XKR6: variants seen among roughly 807,000 people sequenced by gnomAD.
XKR6 encodes the protein XK-related protein 6.
A neutral mutation model predicts 56.7 loss-of-function variants in XKR6; 22 were observed. That is an observed-to-expected ratio of 0.39 (90% CI 0.28 to 0.55). The LOEUF is 0.55. Ranked by LOEUF, XKR6 falls within the 20% of genes least tolerant of loss-of-function variation. XKR6 has a pLI of 0.66. For synonymous variants in XKR6, 524 were observed against 387.8 expected (o/e 1.35, Z -4.13); for missense variants, 852 against 889.0 (o/e 0.96, Z 0.53).
intron 1 of XKR6, chr8:11,137,810 T>C (rs1370076240): frequency 2.5e-6 from 1 of 402,836 alleles, no homozygotes; most frequent in East Asian, 7.2e-5. Context: ...CTTTCTGAAC[T>C]GCACCGCAAC....
chr8:11,153,984 C>G (rs1322146934), intron 1 of XKR6, among the ~76,000 whole-genome samples: 1 of 152,196 alleles, frequency 6.6e-6, no homozygotes, highest in East Asian at 1.9e-4. Flanking sequence ...CAAGACCATT[C>G]CCAACATAAA....
At chr8:11,120,825 G>C (rs1799415853) in intron 1 of XKR6, among the ~76,000 whole-genome samples, 2 of 152,154 alleles carry the variant, frequency 1.3e-5, no homozygotes, top group Non-Finnish European at 2.9e-5. Context: ...CATGGTACTG[G>C]TACCAAAACA....
chr8:11,041,285 C>T (rs965558738), intron 1 of XKR6, among the ~76,000 whole-genome samples: 5 of 152,120 alleles, frequency 3.3e-5, no homozygotes, highest in Admixed American at 6.5e-5. Context: ...AGGCCGGGCG[C>T]GGTGGCTCAC....
chr8:10,897,678 T>C lies in XKR6; in HGVS notation c.*274A>G, dbSNP rs1799922647. 2.9e-6 allele frequency: 1 copy of C among 342,110 alleles called. No individual in the cohort carries two copies. The highest frequency in any genetic ancestry group is 5.3e-6 in the Non-Finnish European group (1 of 190,342). The allele number at this position is 342,110 out of a possible 1,614,324, so 21.2% of individuals were successfully genotyped here. On this transcript the variant is annotated 3_prime_UTR_variant, in exon 3 of 3. Coordinates refer to ENST00000416569, the MANE Select transcript of XKR6 (RefSeq NM_173683.4). ...TGGGATTTTTCAATACTGTTTCTTA[T>C]GTGTAAAAAACAAAAGAAAGGTTTT... is the stretch of plus-strand genomic sequence containing the variant.
intron 1 of XKR6, among the ~76,000 whole-genome samples, chr8:10,984,732 C>CGCTATATATATATATA (rs1554519602): frequency 1.9e-4 from 9 of 47,494 alleles, no homozygotes; most frequent in Non-Finnish European, 2.5e-4. Context: ...CTCTCTCTCT[C>CGCTATATATATATATA]TATATATATA....
intron 1 of XKR6, among the ~76,000 whole-genome samples, chr8:11,182,974 C>G (rs1803075414): frequency 1.3e-5 from 2 of 152,180 alleles, no homozygotes; most frequent in Non-Finnish European, 2.9e-5. Context: ...AGTGTTTGTC[C>G]TTTTATGGTG....
At chr8:10,902,108 T>C (rs1800052428) in intron 2 of XKR6, among the ~76,000 whole-genome samples, 1 of 152,252 alleles carries the variant, frequency 6.6e-6, no homozygotes, top group African/African-American at 2.4e-5. Flanking sequence ...GACCAGGCAC[T>C]GCAGTTGCGG....
At chr8:10,983,666 T>A (rs1422483158) in intron 1 of XKR6, among the ~76,000 whole-genome samples, 1 of 151,926 alleles carries the variant, frequency 6.6e-6, no homozygotes, top group Non-Finnish European at 1.5e-5. Context: ...TTTTTTGTTT[T>A]TTTTTTTGAG....
chr8:11,144,672 A>G (rs2116949064), intron 1 of XKR6, among the ~76,000 whole-genome samples: 1 of 152,202 alleles, frequency 6.6e-6, no homozygotes, highest in Non-Finnish European at 1.5e-5. Flanking sequence ...AGACCCAAGT[A>G]TAGGGTGAGG....
At chr8:10,995,901 A>T (rs1340632520) in intron 1 of XKR6, among the ~76,000 whole-genome samples, 2 of 152,198 alleles carry the variant, frequency 1.3e-5, no homozygotes, top group African/African-American at 4.8e-5. Context: ...GAGCACCTGT[A>T]GTTGAATCAG....
chr8:11,157,485 GGTATGTATGTATGTAT>G (rs112971008), intron 1 of XKR6, among the ~76,000 whole-genome samples: 14 of 149,028 alleles, frequency 9.4e-5, no homozygotes, highest in East Asian at 7.9e-4. Context: ...TAAAATAAAA[GGTATGTATGTATGTAT>G]GTATGTATGT....
intron 1 of XKR6, among the ~76,000 whole-genome samples, chr8:11,178,551 T>TATATATATATATATATATGA (rs1802783271): frequency 8.6e-6 from 1 of 116,338 alleles, no homozygotes; most frequent in Non-Finnish European, 1.6e-5. Context: ...GGTAAAAATA[T>TATATATATATATATATATGA]ATATATATAT....
chr8:10,945,698 C>T (rs184566123), intron 1 of XKR6, among the ~76,000 whole-genome samples: 140 of 152,316 alleles, frequency 9.2e-4, no homozygotes, highest in Admixed American at 5.6e-3. Context: ...ACACATTGGG[C>T]GACTTCTTAA....
At chr8:11,074,865 A>G (rs776387205) in intron 1 of XKR6, among the ~76,000 whole-genome samples, 1 of 152,214 alleles carries the variant, frequency 6.6e-6, no homozygotes, top group African/African-American at 2.4e-5. Flanking sequence ...GAGCAGGATG[A>G]GCAAAACAGC....
At chr8:11,103,357 A>T (rs1798557293) in intron 1 of XKR6, among the ~76,000 whole-genome samples, 1 of 152,180 alleles carries the variant, frequency 6.6e-6, no homozygotes, top group East Asian at 1.9e-4. Flanking sequence ...GAGTTCAATC[A>T]AGCCACCCAG....
intron 1 of XKR6, among the ~76,000 whole-genome samples, chr8:11,195,709 C>T (rs1408152177): frequency 6.7e-6 from 1 of 149,428 alleles, no homozygotes; most frequent in African/African-American, 2.5e-5. Flanking sequence ...AGTGCAGTGG[C>T]GCGAACTTGG....
intron 1 of XKR6, among the ~76,000 whole-genome samples, chr8:10,952,556 C>G (rs56084964): frequency 0.082 from 12,471 of 152,248 alleles, 546 homozygotes; most frequent in Middle Eastern, 0.14. Flanking sequence ...TGAGCTCAAG[C>G]AATCCTCCCA....
chr8:11,187,412 T>C (rs1280751411), intron 1 of XKR6, among the ~76,000 whole-genome samples: 7 of 152,152 alleles, frequency 4.6e-5, no homozygotes, highest in African/African-American at 1.4e-4. Context: ...CGTGACACCA[T>C]CGCTGATTCA....
intron 1 of XKR6, among the ~76,000 whole-genome samples, chr8:11,099,212 G>C (rs1472927703): frequency 2.6e-5 from 4 of 152,200 alleles, no homozygotes; most frequent in African/African-American, 9.7e-5. Context: ...TACAGCAGGA[G>C]GGCAATCGTC....
Sources: gnomAD v4.1 joint callset for allele counts (sites outside exome capture counted in the v4.1 genomes callset) on GRCh38, gnomAD v4.1.1 for gene constraint, MANE v1.5 for transcripts, NCBI Gene and HGNC (gene_info 2026-07-23, HGNC 2026-07-21) for gene names.